Variants in KCNQ5 observed in about 807,000 individuals in gnomAD.
The protein encoded by KCNQ5 is potassium voltage-gated channel subfamily Q member 5, also known as potassium voltage-gated channel subfamily KQT member 5.
KCNQ5 carries 30 observed loss-of-function variants against 98.2 expected under a neutral mutation model. The ratio of observed to expected loss-of-function variants is 0.31; its 90% CI spans 0.23 to 0.41. The LOEUF (loss-of-function observed/expected upper bound fraction) is 0.41, where lower values mean the gene tolerates loss of function less well. KCNQ5 is among the 10% of genes least tolerant of loss of function. The pLI is 1.00. For synonymous variants in KCNQ5, 458 were observed against 449.4 expected (o/e 1.02, Z -0.24); for missense variants, 835 against 1,182.5 (o/e 0.71, Z 4.31).
intron 1 of KCNQ5, among the ~76,000 whole-genome samples, chr6:72,779,841 G>C (rs1385232129): frequency 9.1e-6 from 1 of 110,284 alleles, no homozygotes; most frequent in Non-Finnish European, 2.2e-5. Flanking sequence ...GTGTGTGTGT[G>C]TGTGTGTGTG....
At chr6:72,769,610 C>T (rs1772754164) in intron 1 of KCNQ5, among the ~76,000 whole-genome samples, 1 of 151,882 alleles carries the variant, frequency 6.6e-6, no homozygotes, top group African/African-American at 2.4e-5. Context: ...TGACAATTTC[C>T]TGTAGAAATG....
At chr6:73,073,352 G>T (rs141031315) in intron 3 of KCNQ5, among the ~76,000 whole-genome samples, 307 of 152,272 alleles carry the variant, frequency 2.0e-3, no homozygotes, top group African/African-American at 6.6e-3. Context: ...GGGTTTCTCA[G>T]CCTTGGCACT....
At chr6:73,140,734 C>G (rs1046816035) in intron 10 of KCNQ5, among the ~76,000 whole-genome samples, 1 of 152,206 alleles carries the variant, frequency 6.6e-6, no homozygotes, top group Non-Finnish European at 1.5e-5. Context: ...CAAAACCCTA[C>G]AAAGGGTATT....
At chr6:72,811,877 C>T (rs1344448239) in intron 1 of KCNQ5, among the ~76,000 whole-genome samples, 1 of 152,180 alleles carries the variant, frequency 6.6e-6, no homozygotes, top group Non-Finnish European at 1.5e-5. Flanking sequence ...AGAGCAGTCC[C>T]AGGGGCTGCT....
intron 1 of KCNQ5, among the ~76,000 whole-genome samples, chr6:72,726,857 T>C (rs1252906584): frequency 6.6e-6 from 1 of 152,074 alleles, no homozygotes; most frequent in Non-Finnish European, 1.5e-5. Flanking sequence ...TCAAATTGTT[T>C]TAGAGATGGG....
intron 1 of KCNQ5, among the ~76,000 whole-genome samples, chr6:72,744,664 A>C (rs947813870): frequency 6.6e-6 from 1 of 152,038 alleles, no homozygotes; most frequent in Non-Finnish European, 1.5e-5. Flanking sequence ...TACAAAAATT[A>C]ACTGGGTGTG....
At chr6:72,959,477 A>T (rs1247585155) in intron 1 of KCNQ5, among the ~76,000 whole-genome samples, 1 of 152,258 alleles carries the variant, frequency 6.6e-6, no homozygotes, top group African/African-American at 2.4e-5. Flanking sequence ...TTATCTACAA[A>T]GACATTCAAC....
chr6:72,936,624 A>G (rs1011286571), intron 1 of KCNQ5, among the ~76,000 whole-genome samples: 3 of 152,178 alleles, frequency 2.0e-5, no homozygotes, highest in African/African-American at 7.2e-5. Context: ...TAAATGTATC[A>G]TTTTTCCAAT....
intron 1 of KCNQ5, among the ~76,000 whole-genome samples, chr6:72,942,739 C>T (rs981815282): frequency 2.0e-5 from 3 of 152,124 alleles, no homozygotes; most frequent in Non-Finnish European, 4.4e-5. Context: ...GGAATGACTG[C>T]GGTAGGGGCA....
chr6:72,644,369 G>C (rs1030837541), intron 1 of KCNQ5, among the ~76,000 whole-genome samples: 1 of 152,070 alleles, frequency 6.6e-6, no homozygotes, highest in Non-Finnish European at 1.5e-5. Flanking sequence ...TCTCCGTAAG[G>C]CACATCACAG....
At chr6:73,038,551 C>T (rs565296630) in intron 2 of KCNQ5, among the ~76,000 whole-genome samples, 1 of 152,090 alleles carries the variant, frequency 6.6e-6, no homozygotes, top group South Asian at 2.1e-4. Flanking sequence ...CTTTTCCTAA[C>T]TTGCCAAGAG....
intron 1 of KCNQ5, among the ~76,000 whole-genome samples, chr6:72,633,536 A>G (rs2098922253): frequency 1.3e-5 from 2 of 152,242 alleles, no homozygotes; most frequent in Non-Finnish European, 2.9e-5. Context: ...AGAATTAGAT[A>G]AAACTATTCT....
chr6:73,014,738 A>T lies in KCNQ5; in HGVS notation c.489+10740A>T, dbSNP rs556541102. 6.6e-5 allele frequency among the ~76,000 whole-genome samples: 10 copies of T among 152,246 alleles called. No homozygotes were observed. In the East Asian group the frequency reaches 1.9e-3, roughly 29 times the overall value. On this transcript the variant is annotated intron_variant, in intron 2 of 13. Transcript: ENST00000370398. ...TATAGGGAATTCTTTTGTAAAGTGA[A>T]GCATCCCCTTGGAAAGGTAATAACA... is the stretch of plus-strand genomic sequence containing the variant.
At chr6:73,021,899 C>CT (rs933761459) in intron 2 of KCNQ5, among the ~76,000 whole-genome samples, 2 of 152,032 alleles carry the variant, frequency 1.3e-5, no homozygotes, top group Non-Finnish European at 1.5e-5. Context: ...TTTTGTGCCT[C>CT]TTTTTTTTCA....
chr6:73,024,742 A>G (rs1388630998), intron 2 of KCNQ5, among the ~76,000 whole-genome samples: 3 of 152,202 alleles, frequency 2.0e-5, no homozygotes, highest in Admixed American at 6.5e-5. Flanking sequence ...AGATGAACAA[A>G]AACATTATTC....
chr6:72,806,595 C>G (rs1774972524), intron 1 of KCNQ5, among the ~76,000 whole-genome samples: 1 of 152,144 alleles, frequency 6.6e-6, no homozygotes, highest in African/African-American at 2.4e-5. Flanking sequence ...TACACAACCT[C>G]AAGAGGTTCT....
chr6:73,094,886 A>C (rs1375516962), intron 5 of KCNQ5, among the ~76,000 whole-genome samples: 1 of 152,202 alleles, frequency 6.6e-6, no homozygotes, highest in Non-Finnish European at 1.5e-5. Context: ...AGATTACCTG[A>C]TGACAATGTG....
chr6:72,646,829 A>G (rs887448940), intron 1 of KCNQ5, among the ~76,000 whole-genome samples: 27 of 152,188 alleles, frequency 1.8e-4, no homozygotes, highest in African/African-American at 6.5e-4. Context: ...TGAGATATGA[A>G]TCATCATTAT....
chr6:73,170,154 T>G (rs1056761740), intron 11 of KCNQ5, among the ~76,000 whole-genome samples: 8 of 152,230 alleles, frequency 5.3e-5, no homozygotes, highest in South Asian at 2.1e-4. Context: ...AGTTTATTGA[T>G]GCAATTGGAT....
Sources: gnomAD v4.1 joint callset for allele counts (sites outside exome capture counted in the v4.1 genomes callset) on GRCh38, gnomAD v4.1.1 for gene constraint, MANE v1.5 for transcripts, NCBI Gene and HGNC (gene_info 2026-07-23, HGNC 2026-07-21) for gene names.